ETV1: variants seen among roughly 807,000 people sequenced by gnomAD.
ETV1 encodes ETS translocation variant 1.
In ETV1, 27 loss-of-function variants were observed where a neutral mutation model predicts 62.3. That is an observed-to-expected ratio of 0.43 (90% CI 0.32 to 0.60). The LOEUF is 0.60. Among genes scored for constraint, ETV1 ranks in the 20% least tolerant of loss-of-function variants. The pLI is 0.06. For synonymous variants in ETV1, 222 were observed against 199.6 expected (o/e 1.11, Z -0.94); for missense variants, 605 against 605.8 (o/e 1.00, Z 0.01).
Position 13,895,387 on chromosome 7 carries a change from G to C in ETV1, c.*479C>G, listed in dbSNP as rs1223429389. The C allele has an allele frequency of 4.2e-6, 1 of 235,326 alleles. No homozygotes were observed. Among genetic ancestry groups the C allele is most frequent in the Non-Finnish European group, 8.4e-6 (1 of 119,386 alleles). 14.6% of individuals were successfully genotyped at this position (235,326 alleles called of 1,614,324 possible). On this transcript the variant is annotated 3_prime_UTR_variant, in exon 14 of 14. Coordinates refer to ENST00000430479, the MANE Select transcript of ETV1 (RefSeq NM_004956.5). The stretch of plus-strand genomic sequence containing the variant: ...TAAACTGCCATTTACAGTAGATTGG[G>C]GTTTTTTTGTACACCTGCAGAGACT...
At chr7:13,913,726 T>C (rs1003141234) in intron 9 of ETV1, among the ~76,000 whole-genome samples, 1 of 152,152 alleles carries the variant, frequency 6.6e-6, no homozygotes, top group African/African-American at 2.4e-5. Flanking sequence ...ATGAGATGAC[T>C]GATTTGTTGA....
intron 9 of ETV1, among the ~76,000 whole-genome samples, chr7:13,915,238 T>C (rs1784022664): frequency 1.3e-5 from 2 of 152,304 alleles, no homozygotes; most frequent in South Asian, 4.1e-4. Context: ...CATAAACTTG[T>C]CTATTGTATA....
chr7:13,935,808 A>T lies in ETV1; in HGVS notation c.454T>A (p.Ser152Thr). ...TTCGGTGTATGAGTTGAGTTTGGAG[A>T]TGCATGATGCAGTGGGGACACTGGC... ...STPVSPLHHA[S>T]PNSTHTPKPD... The change falls in exon 8 of 14, where the codon TCT (serine) becomes ACT (threonine). Residue 152 changes from serine to threonine, a missense_variant. Physicochemically the swap from Ser to Thr is moderately conservative, Grantham distance 58. Coordinates refer to ENST00000430479, the MANE Select transcript of ETV1 (RefSeq NM_004956.5). 1 of 1,613,836 alleles carries T rather than the reference A, an allele frequency of 6.2e-7. No homozygotes were observed. The highest frequency in any genetic ancestry group is 2.2e-5 in the East Asian group (1 of 44,866).
At chr7:13,910,133 G>A (rs867730627) in intron 10 of ETV1, among the ~76,000 whole-genome samples, 1 of 150,806 alleles carries the variant, frequency 6.6e-6, no homozygotes, top group Non-Finnish European at 1.5e-5. Flanking sequence ...CTCTGAGACA[G>A]ATTTATTTTA....
intron 6 of ETV1, among the ~76,000 whole-genome samples, chr7:13,950,402 C>G (rs1481776096): frequency 6.6e-6 from 1 of 151,942 alleles, no homozygotes; most frequent in Non-Finnish European, 1.5e-5. Flanking sequence ...AAACTCCTAC[C>G]AGTAACAGTA....
In ETV1 at chr7:13,891,841, T is replaced by A. The variant is rs1781402655; in HGVS notation, c.*4025A>T. The A allele has an allele frequency of 4.3e-6, 1 of 231,568 alleles. No individual in the cohort carries two copies. The highest frequency in any genetic ancestry group is 1.8e-4 in the South Asian group (1 of 5,516). 14.3% of individuals were successfully genotyped at this position (231,568 alleles called of 1,614,324 possible). A position where few individuals can be genotyped will look rare whatever the true frequency, so the allele number is the denominator to read the frequency against. On this transcript the variant is annotated 3_prime_UTR_variant, in exon 14 of 14. Coordinates refer to ENST00000430479, the MANE Select transcript of ETV1 (RefSeq NM_004956.5). ...TCTCTTCTCCATACCAAATCGCAAA[T>A]GGAAAATAGCTTACTCACTTCTTAT...
intron 7 of ETV1, among the ~76,000 whole-genome samples, chr7:13,936,968 G>A (rs868596018): frequency 1.4e-4 from 21 of 152,216 alleles, no homozygotes; most frequent in African/African-American, 4.6e-4. Context: ...CTTGAACTCG[G>A]GAGGCAGAGG....
At chr7:13,983,084 T>TTGCTGCAA (rs1782164369) in intron 5 of ETV1, among the ~76,000 whole-genome samples, 1 of 147,192 alleles carries the variant, frequency 6.8e-6, no homozygotes, top group Admixed American at 6.6e-5. Flanking sequence ...GTAGAAAGGT[T>TTGCTGCAA]GTTCTTGCAG....
chr7:13,908,432 T>A (rs772895705), intron 11 of ETV1, among the ~76,000 whole-genome samples: 2 of 152,030 alleles, frequency 1.3e-5, no homozygotes, highest in Admixed American at 1.3e-4. Flanking sequence ...ATTCCAAGAG[T>A]AAGAGGCTTT....
At chr7:13,919,601 C>CACAAAA (rs1554295505) in intron 9 of ETV1, among the ~76,000 whole-genome samples, 1 of 132,284 alleles carries the variant, frequency 7.6e-6, no homozygotes, top group African/African-American at 2.9e-5. Context: ...CACACACACA[C>CACAAAA]AAAATAAGAA....
chr7:13,961,953 A>G (rs1197463123), intron 6 of ETV1, among the ~76,000 whole-genome samples: 3 of 151,998 alleles, frequency 2.0e-5, no homozygotes, highest in Non-Finnish European at 4.4e-5. Flanking sequence ...TACAGTAGAT[A>G]AAGCCCACAT....
intron 9 of ETV1, among the ~76,000 whole-genome samples, chr7:13,926,307 C>G (rs1461637622): frequency 6.6e-6 from 1 of 152,018 alleles, no homozygotes; most frequent in African/African-American, 2.4e-5. Context: ...GCTCACTACT[C>G]CCTAAAAAAA....
In ETV1 at chr7:13,891,497, A is replaced by C; in HGVS notation, c.*4369T>G. 4.3e-6 allele frequency: 1 copy of C among 231,880 alleles called. No homozygotes were observed. The highest frequency in any genetic ancestry group is 6.2e-5 in the East Asian group (1 of 16,256). The allele number at this position is 231,880 out of a possible 1,614,324, so 14.4% of individuals were successfully genotyped here. The stretch of plus-strand genomic sequence containing the variant: ...TATACACTTGTAACTGAAAATTCTG[A>C]AATCATTAATATTTCTATAAAGATA... On this transcript the variant is annotated 3_prime_UTR_variant, in exon 14 of 14. Transcript: ENST00000430479.
At chr7:13,947,121 A>G (rs1788256816) in intron 6 of ETV1, among the ~76,000 whole-genome samples, 1 of 152,210 alleles carries the variant, frequency 6.6e-6, no homozygotes, top group South Asian at 2.1e-4. Flanking sequence ...AACTTCCCAA[A>G]CAATCATAAC....
chr7:13,896,773 A>AAAG (rs1289435445), intron 13 of ETV1, among the ~76,000 whole-genome samples: 10 of 150,230 alleles, frequency 6.7e-5, no homozygotes, highest in Admixed American at 6.6e-4. Flanking sequence ...AGAAAGAAAG[A>AAAG]AAGAAAGAAA....
chr7:13,902,198 T>A (rs1782508314), intron 12 of ETV1, among the ~76,000 whole-genome samples: 1 of 152,172 alleles, frequency 6.6e-6, no homozygotes, highest in Non-Finnish European at 1.5e-5. Flanking sequence ...ATGTCATATA[T>A]ACTAAAATAG....
intron 9 of ETV1, among the ~76,000 whole-genome samples, chr7:13,919,873 A>T (rs545622733): frequency 6.6e-6 from 1 of 151,526 alleles, no homozygotes. Context: ...AGACAAAAAC[A>T]CACAAAGACA....
chr7:13,909,124 A>C (rs1036280919), intron 11 of ETV1, among the ~76,000 whole-genome samples: 6 of 135,700 alleles, frequency 4.4e-5, no homozygotes, highest in African/African-American at 1.7e-4. Context: ...AGTAACATAC[A>C]TCTTCCCCAG....
chr7:13,896,745 A>AAAGAAAGAAAG (rs1781851906), intron 13 of ETV1, among the ~76,000 whole-genome samples: 2 of 132,848 alleles, frequency 1.5e-5, no homozygotes, highest in East Asian at 2.0e-4. Flanking sequence ...GAAAGAAAGG[A>AAAGAAAGAAAG]AAGAAAGAAA....
Sources: gnomAD v4.1 joint callset for allele counts (sites outside exome capture counted in the v4.1 genomes callset) on GRCh38, gnomAD v4.1.1 for gene constraint, MANE v1.5 for transcripts, NCBI Gene and HGNC (gene_info 2026-07-23, HGNC 2026-07-21) for gene names.